The following PTK7 variants were observed in gnomAD, a reference collection of about 807,000 sequenced individuals.
The protein encoded by PTK7 is inactive tyrosine-protein kinase 7.
Under a neutral mutation model 116.6 loss-of-function variants are expected in PTK7, and 39 were observed. That is an observed-to-expected ratio of 0.33 (90% CI 0.26 to 0.44). The LOEUF is 0.44. PTK7 is among the 20% of genes least tolerant of loss of function. PTK7 has a pLI of 1.00. For synonymous variants in PTK7, 546 were observed against 563.6 expected (o/e 0.97, Z 0.44); for missense variants, 1,169 against 1,425.6 (o/e 0.82, Z 2.90).
At chr6:43,158,786 G>T (rs1044585238) in intron 17 of PTK7, 31 bp from the exon 18 acceptor site, 2 of 1,607,046 alleles carry the variant, frequency 1.2e-6, no homozygotes, top group African/African-American at 2.7e-5. Context: ...CTATTCCTGG[G>T]CTGCTCTAAC....
At chr6:43,132,726 G>A in intron 7 of PTK7, 39 bp downstream of exon 7, 3 of 1,551,622 alleles carry the variant, frequency 1.9e-6, no homozygotes, top group South Asian at 2.4e-5. Flanking sequence ...AGAGGTGGAG[G>A]GGAACACAGG....
chr6:43,153,624 T>C (rs1771256217), intron 17 of PTK7, among the ~76,000 whole-genome samples: 2 of 152,174 alleles, frequency 1.3e-5, no homozygotes, highest in African/African-American at 4.8e-5. Context: ...TTGCCCAGGC[T>C]GGTCTCAAAC....
intron 1 of PTK7, among the ~76,000 whole-genome samples, chr6:43,121,105 C>G (rs568187609): frequency 4.7e-5 from 7 of 148,580 alleles, no homozygotes; most frequent in Non-Finnish European, 7.4e-5. Flanking sequence ...GAACTCCTGG[C>G]CTCAAGGGAT....
intron 4 of PTK7, 45 bp from the exon 5 acceptor site, chr6:43,130,466 G>A: frequency 6.2e-7 from 1 of 1,609,084 alleles, no homozygotes; most frequent in Middle Eastern, 1.7e-4. Context: ...GCACAGGAGG[G>A]CCTCACCACC....
intron 1 of PTK7, among the ~76,000 whole-genome samples, chr6:43,116,194 G>A (rs1768509503): frequency 6.6e-6 from 1 of 152,148 alleles, no homozygotes; most frequent in Admixed American, 6.5e-5. Context: ...AGAAACAGCT[G>A]CTGCCTAGAT....
intron 1 of PTK7, among the ~76,000 whole-genome samples, chr6:43,092,772 T>C (rs1269870171): frequency 6.6e-6 from 1 of 152,168 alleles, no homozygotes; most frequent in African/African-American, 2.4e-5. Flanking sequence ...ATAACTGTGA[T>C]GGTTATCTGT....
chr6:43,159,477 A>G (rs970069706), intron 18 of PTK7, among the ~76,000 whole-genome samples: 4 of 152,218 alleles, frequency 2.6e-5, no homozygotes, highest in African/African-American at 9.6e-5. Context: ...CTTTCCATTT[A>G]ACAGTTCTTA....
chr6:43,129,350 T>C lies in PTK7; in HGVS notation c.367+86T>C. On this transcript the variant is annotated intron_variant, in intron 2 of 19. Transcript: ENST00000230419. This position sits in a 1 kb window ranked among gnomAD's most constrained non-coding sequence, Gnocchi z 4.5. ...GGGATCCCTCCCTTACCTCAGCTTCTCCCATTTCCAGTTAAACGGGCCAGG... is the reference window on the plus strand; with the variant it reads ...GGGATCCCTCCCTTACCTCAGCTTCCCCCATTTCCAGTTAAACGGGCCAGG... The C allele has an allele frequency of 6.7e-7, 1 of 1,495,888 alleles. No homozygotes were observed. 92.7% of individuals were successfully genotyped at this position (1,495,888 alleles called of 1,614,324 possible).
At position 43,120,448 on chromosome 6, in the gene PTK7, G is replaced by T. The variant is rs139984126; in HGVS notation, c.80-8529G>T. The stretch of plus-strand genomic sequence containing the variant: ...GAGATGGCAGAGGCAGGTCTCCCGG[G>T]GAGGCTGCACGGGGCTGCGCCGAGG... On this transcript the variant is annotated intron_variant, in intron 1 of 19. Coordinates refer to ENST00000230419, the MANE Select transcript of PTK7 (RefSeq NM_002821.5). Among the ~76,000 whole-genome samples, 796 of 152,318 alleles carry T rather than the reference G, an allele frequency of 5.2e-3. 4 individuals carry two copies. The highest frequency in any genetic ancestry group is 0.01 in the Middle Eastern group (3 of 294).
rs1008479814 is a variant in PTK7, at chr6:43,145,951, C to G, written c.2640+519C>G. 4 of 144,268 alleles carry G rather than the reference C, an allele frequency of 2.8e-5. No individual in the cohort carries two copies. The highest frequency in any genetic ancestry group is 6.4e-5 in the Non-Finnish European group (4 of 62,538). 8.9% of individuals were successfully genotyped at this position (144,268 alleles called of 1,614,324 possible). Reference sequence around the variant, plus strand: ...TTCCCCAGCTGGTCCTTGCCCTCACCCCATGGTCCTCAAACTGCTGCTTCT... The same window carrying G: ...TTCCCCAGCTGGTCCTTGCCCTCACGCCATGGTCCTCAAACTGCTGCTTCT... On this transcript the variant is annotated intron_variant, in intron 16 of 19. Transcript: ENST00000230419. This position sits in a 1 kb window ranked among gnomAD's most constrained non-coding sequence, Gnocchi z 4.8.
chr6:43,142,566 A>C (rs1770487240), intron 13 of PTK7: 2 of 549,578 alleles, frequency 3.6e-6, no homozygotes, highest in Non-Finnish European at 6.8e-6. Context: ...GCTGCCTCCC[A>C]GGTTCCTGCA....
Position 43,158,986 on chromosome 6 carries a change from G to C in PTK7, c.2873+18G>C, listed in dbSNP as rs199767813. Reference sequence around the variant, plus strand: ...TACAACAGGTAGAAGGGCATGCGTGGGGTGGGGGCTCCCCATTTTTTCCCA... The same window carrying C: ...TACAACAGGTAGAAGGGCATGCGTGCGGTGGGGGCTCCCCATTTTTTCCCA... On this transcript the variant is annotated intron_variant, in intron 18 of 19. Transcript: ENST00000230419. The C allele has an allele frequency of 6.2e-7, 1 of 1,611,894 alleles. No individual in the cohort carries two copies. Among genetic ancestry groups the C allele is most frequent in the African/African-American group, 1.3e-5 (1 of 75,030 alleles).
At chr6:43,117,564 A>G (rs1768632385) in intron 1 of PTK7, among the ~76,000 whole-genome samples, 1 of 152,002 alleles carries the variant, frequency 6.6e-6, no homozygotes, top group Non-Finnish European at 1.5e-5. Context: ...GGCATCCTTG[A>G]CTCCGATTTC....
At chr6:43,101,225 A>AAAG (rs1554148828) in intron 1 of PTK7, among the ~76,000 whole-genome samples, 5 of 146,352 alleles carry the variant, frequency 3.4e-5, no homozygotes, top group African/African-American at 5.1e-5. Context: ...CAAAAAAAAA[A>AAAG]AAAGAAAGAA....
chr6:43,122,403 C>G (rs1233678895), intron 1 of PTK7, among the ~76,000 whole-genome samples: 1 of 150,576 alleles, frequency 6.6e-6, no homozygotes, highest in Non-Finnish European at 1.5e-5. Context: ...TCCCCTGGAA[C>G]ATTTATGCTT....
chr6:43,132,805 CTTGGGAA>C, intron 7 of PTK7, 118 bp downstream of exon 7: 1 of 1,405,614 alleles, frequency 7.1e-7, no homozygotes, highest in Non-Finnish European at 9.8e-7. Context: ...GCCCTGCAGG[CTTGGGAA>C]TCAGTTCACT....
intron 17 of PTK7, among the ~76,000 whole-genome samples, chr6:43,148,091 A>G (rs985194765): frequency 2.6e-5 from 4 of 152,100 alleles, no homozygotes; most frequent in Non-Finnish European, 5.9e-5. Flanking sequence ...TGTCTCTACA[A>G]AAAATAAAAA....
intron 14 of PTK7, 89 bp from the exon 15 acceptor site, chr6:43,144,362 G>T: frequency 6.5e-7 from 1 of 1,540,062 alleles, no homozygotes. Context: ...AAGTTGGCAA[G>T]AGTGGAAGAC....
intron 17 of PTK7, among the ~76,000 whole-genome samples, chr6:43,156,292 C>G (rs941854058): frequency 9.0e-5 from 13 of 144,120 alleles, no homozygotes; most frequent in Non-Finnish European, 1.7e-4. Flanking sequence ...AAAAACAGAC[C>G]ATGTCCAGTG....
Sources: allele counts gnomAD v4.1 joint callset (sites outside exome capture counted in the v4.1 genomes callset), GRCh38; gene constraint gnomAD v4.1.1; non-coding constraint Gnocchi (gnomAD v3.1); transcripts MANE v1.5; gene names NCBI Gene and HGNC (gene_info 2026-07-23, HGNC 2026-07-21).